The following ASIC2 variants were observed in gnomAD, a reference collection of about 807,000 sequenced individuals.
ASIC2 encodes acid-sensing ion channel 2.
In ASIC2, 25 loss-of-function variants were observed where a neutral mutation model predicts 57.3. The ratio of observed to expected loss-of-function variants is 0.44; its 90% CI spans 0.32 to 0.61. The LOEUF is 0.61. Ranked by LOEUF, ASIC2 falls within the 20% of genes least tolerant of loss-of-function variation. The pLI is 0.06. For synonymous variants in ASIC2, 319 were observed against 307.5 expected (o/e 1.04, Z -0.39); for missense variants, 641 against 738.1 (o/e 0.87, Z 1.52).
At chr17:33,905,330 C>T (rs969736788) in intron 1 of ASIC2, among the ~76,000 whole-genome samples, 6 of 152,022 alleles carry the variant, frequency 3.9e-5, no homozygotes, top group Non-Finnish European at 7.4e-5. Flanking sequence ...ACACACAGAC[C>T]GGCTCTAGTT....
At chr17:33,391,956 T>C (rs917861688) in intron 1 of ASIC2, among the ~76,000 whole-genome samples, 3 of 152,204 alleles carry the variant, frequency 2.0e-5, no homozygotes, top group African/African-American at 7.2e-5. Flanking sequence ...CCATGTTCTT[T>C]TGATTCCAAA....
intron 1 of ASIC2, among the ~76,000 whole-genome samples, chr17:33,153,945 C>T (rs192010095): frequency 4.6e-5 from 7 of 152,304 alleles, no homozygotes; most frequent in African/African-American, 1.7e-4. Context: ...TTGGGTCTGG[C>T]AAATCACAGT....
intron 8 of ASIC2, among the ~76,000 whole-genome samples, 186 bp downstream of exon 8, chr17:33,017,419 A>C (rs1444399764): frequency 6.6e-6 from 1 of 152,062 alleles, no homozygotes. Flanking sequence ...ACCGCCCCCC[A>C]AAAACCTCCC....
intron 1 of ASIC2, among the ~76,000 whole-genome samples, chr17:33,918,070 T>G (rs908980066): frequency 6.6e-6 from 1 of 152,244 alleles, no homozygotes; most frequent in African/African-American, 2.4e-5. Flanking sequence ...TGTGCTTAAG[T>G]AAGGATGGAC....
intron 1 of ASIC2, among the ~76,000 whole-genome samples, chr17:33,674,224 C>A (rs1217268665): frequency 6.6e-6 from 1 of 152,124 alleles, no homozygotes; most frequent in African/African-American, 2.4e-5. Flanking sequence ...TCAGAAGCTC[C>A]GTGCTCCAAG....
chr17:33,887,892 C>A (rs1198605462), intron 1 of ASIC2, among the ~76,000 whole-genome samples: 1 of 152,126 alleles, frequency 6.6e-6, no homozygotes, highest in Non-Finnish European at 1.5e-5. Context: ...AATATTTTGA[C>A]TTTAGGATGG....
intron 1 of ASIC2, among the ~76,000 whole-genome samples, chr17:33,130,285 C>G (rs1470061871): frequency 6.6e-6 from 1 of 152,142 alleles, no homozygotes; most frequent in Non-Finnish European, 1.5e-5. Flanking sequence ...TCTTTTCCTG[C>G]TCCCCTTCCT....
chr17:34,033,183 G>T (rs375854507), intron 1 of ASIC2, among the ~76,000 whole-genome samples: 7 of 152,064 alleles, frequency 4.6e-5, no homozygotes, highest in African/African-American at 4.8e-5. Context: ...CACAGTGCAA[G>T]CAAACTAGAA....
intron 2 of ASIC2, among the ~76,000 whole-genome samples, chr17:33,111,490 C>A (rs113852236): frequency 6.6e-6 from 1 of 152,162 alleles, no homozygotes; most frequent in Non-Finnish European, 1.5e-5. Flanking sequence ...CACTTCCCAG[C>A]CCCTCCAGCT....
intron 1 of ASIC2, among the ~76,000 whole-genome samples, chr17:33,169,470 C>T (rs933139409): frequency 2.0e-5 from 3 of 152,236 alleles, no homozygotes; most frequent in East Asian, 1.9e-4. Flanking sequence ...CAGTGCCTTA[C>T]AGACAGCAAG....
In ASIC2 at chr17:34,156,565, G is replaced by T. The variant is rs758401872; in HGVS notation, c.-33C>A. On this transcript the variant is annotated 5_prime_UTR_variant, in exon 1 of 10. Transcript: ENST00000359872. This position sits in a 1 kb window ranked among gnomAD's most constrained non-coding sequence, Gnocchi z 4.4. ...CCGTGCAGTTCCGCAACTGGCTTCA[G>T]GTTGATCGAATTTCAGAGAAGAGCT... 3 of 1,540,352 alleles carry T rather than the reference G, an allele frequency of 1.9e-6. No individual in the cohort carries two copies. Among genetic ancestry groups the T allele is most frequent in the Non-Finnish European group, 2.6e-6 (3 of 1,141,228 alleles).
rs867986699 is a variant in ASIC2, at chr17:34,095,684, T to G, written c.555+60294A>C. The stretch of plus-strand genomic sequence containing the variant: ...TTATATATATATAGAGAGAGAGATA[T>G]ATATAATTTTATATAGAGATATATA... On this transcript the variant is annotated intron_variant, in intron 1 of 9. Transcript: ENST00000359872. Among the ~76,000 whole-genome samples the G allele has an allele frequency of 2.2e-3, 311 of 138,276 alleles. 1 individual carries two copies. The highest frequency in any genetic ancestry group is 8.3e-3 in the African/African-American group (287 of 34,748). The allele number at this position is 138,276 out of a possible 152,430, so 90.7% of individuals were successfully genotyped here.
intron 1 of ASIC2, among the ~76,000 whole-genome samples, chr17:33,768,263 C>G (rs1469186917): frequency 1.3e-5 from 2 of 152,118 alleles, no homozygotes; most frequent in Non-Finnish European, 2.9e-5. Flanking sequence ...GCCTCAGCCT[C>G]CCAAAGTGCT....
At chr17:33,069,164 T>C (rs1469080812) in intron 3 of ASIC2, among the ~76,000 whole-genome samples, 2 of 152,242 alleles carry the variant, frequency 1.3e-5, no homozygotes, top group African/African-American at 4.8e-5. Context: ...TTTCTGTTAT[T>C]GTTTTAACTT....
chr17:33,206,660 T>A (rs1907072604), intron 1 of ASIC2, among the ~76,000 whole-genome samples: 1 of 152,080 alleles, frequency 6.6e-6, no homozygotes, highest in Non-Finnish European at 1.5e-5. Flanking sequence ...AGAGTATCCT[T>A]CCATGGCCCT....
intron 3 of ASIC2, among the ~76,000 whole-genome samples, chr17:33,079,767 T>C (rs896265859): frequency 3.9e-5 from 6 of 152,168 alleles, no homozygotes; most frequent in Admixed American, 1.3e-4. Context: ...AACTGTTCTA[T>C]GGGTATTACA....
intron 1 of ASIC2, chr17:33,935,922 T>C (rs577334974): frequency 6.6e-6 from 1 of 152,320 alleles, no homozygotes; most frequent in African/African-American, 2.4e-5. Flanking sequence ...GCTCTGTCTC[T>C]AGGGAGGTGA....
At chr17:33,301,456 G>A (rs888517579) in intron 1 of ASIC2, among the ~76,000 whole-genome samples, 1 of 152,112 alleles carries the variant, frequency 6.6e-6, no homozygotes, top group East Asian at 1.9e-4. Context: ...TCTGTGGCTG[G>A]GATTCAAACT....
intron 1 of ASIC2, among the ~76,000 whole-genome samples, chr17:33,670,743 G>A (rs1479198722): frequency 6.6e-6 from 1 of 152,190 alleles, no homozygotes; most frequent in Non-Finnish European, 1.5e-5. Context: ...AACAACAATG[G>A]TGTTTCTCAG....
Sources: gnomAD v4.1 joint callset for allele counts (sites outside exome capture counted in the v4.1 genomes callset) on GRCh38, gnomAD v4.1.1 for gene constraint, Gnocchi (gnomAD v3.1) non-coding constraint, MANE v1.5 for transcripts, NCBI Gene and HGNC (gene_info 2026-07-23, HGNC 2026-07-21) for gene names.